SYT9: variants seen among roughly 807,000 people sequenced by gnomAD.
SYT9 encodes synaptotagmin-9.
SYT9 carries 22 observed loss-of-function variants against 48.4 expected under a neutral mutation model. That is an observed-to-expected ratio of 0.45 (90% CI 0.32 to 0.65). SYT9 has a LOEUF of 0.65. Among genes scored for constraint, SYT9 ranks in the 30% least tolerant of loss-of-function variants. SYT9 has a pLI of 0.03. For synonymous variants in SYT9, 265 were observed against 245.0 expected, an observed-to-expected ratio of 1.08 and a Z score of -0.76; for missense variants, 577 against 622.0, an observed-to-expected ratio of 0.93 and a Z score of 0.77.
intron 6 of SYT9, among the ~76,000 whole-genome samples, chr11:7,430,565 T>C (rs1000445624): frequency 2.6e-5 from 4 of 152,202 alleles, no homozygotes; most frequent in Non-Finnish European, 5.9e-5. Flanking sequence ...CCAATTAATA[T>C]GGTTTAAATA....
intron 6 of SYT9, among the ~76,000 whole-genome samples, chr11:7,463,266 C>T (rs71472651): frequency 0.12 from 18,861 of 152,236 alleles, 1,215 homozygotes; most frequent in Non-Finnish European, 0.14. Context: ...TTACTGTCTC[C>T]GGTGTTGATG....
intron 6 of SYT9, among the ~76,000 whole-genome samples, chr11:7,443,552 G>T (rs1564906093): frequency 6.6e-6 from 1 of 152,240 alleles, no homozygotes; most frequent in Non-Finnish European, 1.5e-5. Context: ...GCCAAGGCCA[G>T]TGTCTCCAGC....
intron 2 of SYT9, among the ~76,000 whole-genome samples, chr11:7,311,955 A>G (rs1434514156): frequency 1.3e-5 from 2 of 152,082 alleles, no homozygotes; most frequent in African/African-American, 4.8e-5. Context: ...CCCACATCAT[A>G]AAATACAGAG....
At chr11:7,375,699 A>G (rs1040311758) in intron 3 of SYT9, among the ~76,000 whole-genome samples, 4 of 152,162 alleles carry the variant, frequency 2.6e-5, no homozygotes, top group Non-Finnish European at 5.9e-5. Context: ...GAGTTCACTC[A>G]TGATTTGGCT....
In SYT9 at chr11:7,421,871, A is replaced by G. The variant is rs183884729; in HGVS notation, c.1467+1236A>G. On this transcript the variant is annotated intron_variant, in intron 6 of 6. Coordinates refer to ENST00000318881, the MANE Select transcript of SYT9 (RefSeq NM_175733.4). Reference sequence around the variant, plus strand: ...CAAATACAAGCATTTCCATCCATATAAAGTGCTACAAAAGCGCAAAGGAGA... The same window carrying G: ...CAAATACAAGCATTTCCATCCATATGAAGTGCTACAAAAGCGCAAAGGAGA... 4.0e-3 allele frequency among the ~76,000 whole-genome samples: 614 copies of G among 152,346 alleles called. 2 individuals are homozygous for G. The highest frequency in any genetic ancestry group is 0.014 in the African/African-American group (569 of 41,586).
intron 3 of SYT9, among the ~76,000 whole-genome samples, chr11:7,318,603 C>T (rs982562554): frequency 3.7e-4 from 56 of 152,150 alleles, no homozygotes; most frequent in Admixed American, 4.6e-4. Context: ...CATGAGCCAC[C>T]GCGCCCAGCC....
At chr11:7,443,133 GC>G (rs1847859266) in intron 6 of SYT9, among the ~76,000 whole-genome samples, 1 of 152,168 alleles carries the variant, frequency 6.6e-6, no homozygotes, top group African/African-American at 2.4e-5. Flanking sequence ...AGACCCGACT[GC>G]CTAACATGTT....
At chr11:7,456,942 C>T (rs1848158010) in intron 6 of SYT9, 1 of 152,214 alleles carries the variant, frequency 6.6e-6, no homozygotes, top group African/African-American at 2.4e-5. Context: ...CCAACCTCTA[C>T]ACTCCTTCAA....
chr11:7,394,839 A>C (rs1035614120), intron 3 of SYT9, among the ~76,000 whole-genome samples: 3 of 151,878 alleles, frequency 2.0e-5, no homozygotes, highest in Admixed American at 2.0e-4. Flanking sequence ...TACTCTTAAC[A>C]CTGCTTTTGC....
intron 6 of SYT9, among the ~76,000 whole-genome samples, chr11:7,460,078 C>T (rs892790177): frequency 1.3e-5 from 2 of 152,130 alleles, no homozygotes; most frequent in African/African-American, 4.8e-5. Flanking sequence ...ATCTGTAGAA[C>T]AGGAATAAAA....
Position 7,454,047 on chromosome 11 carries a change from C to A in SYT9, c.1468-12745C>A, listed in dbSNP as rs187377857. On this transcript the variant is annotated intron_variant, in intron 6 of 6. Coordinates refer to ENST00000318881, the MANE Select transcript of SYT9 (RefSeq NM_175733.4). ...AAGAGGGCTCAGCTTCCCCACAGGGCAGGATACCAATCCCTAAGTCCAGGT... is the reference window on the plus strand; with the variant it reads ...AAGAGGGCTCAGCTTCCCCACAGGGAAGGATACCAATCCCTAAGTCCAGGT... The A allele has an allele frequency of 7.4e-4, 729 of 985,410 alleles. 1 individual carries two copies. The highest frequency in any genetic ancestry group is 8.1e-4 in the Non-Finnish European group (676 of 829,920). The allele number at this position is 985,410 out of a possible 1,614,324, so 61.0% of individuals were successfully genotyped here. A position where few individuals can be genotyped will look rare whatever the true frequency, so the allele number is the denominator to read the frequency against.
At chr11:7,318,382 A>G (rs1243150623) in intron 3 of SYT9, among the ~76,000 whole-genome samples, 2 of 151,968 alleles carry the variant, frequency 1.3e-5, no homozygotes, top group Admixed American at 1.3e-4. Flanking sequence ...GGCGCAATCA[A>G]GGCTCACTGC....
At chr11:7,437,028 G>A (rs1246437449) in intron 6 of SYT9, among the ~76,000 whole-genome samples, 1 of 152,240 alleles carries the variant, frequency 6.6e-6, no homozygotes, top group Admixed American at 6.5e-5. Context: ...TGAAAGCAGT[G>A]AAAGACGCTG....
intron 3 of SYT9, among the ~76,000 whole-genome samples, chr11:7,391,016 C>T (rs1850754925): frequency 6.6e-6 from 1 of 152,032 alleles, no homozygotes; most frequent in Non-Finnish European, 1.5e-5. Flanking sequence ...ATCTCTTGTC[C>T]CCATGTCTAT....
At chr11:7,345,773 T>C (rs1849789046) in intron 3 of SYT9, among the ~76,000 whole-genome samples, 2 of 152,228 alleles carry the variant, frequency 1.3e-5, no homozygotes. Flanking sequence ...GTTTATGGTA[T>C]TTGAAAAATA....
At chr11:7,360,674 T>G (rs1392376760) in intron 3 of SYT9, among the ~76,000 whole-genome samples, 1 of 152,196 alleles carries the variant, frequency 6.6e-6, no homozygotes, top group African/African-American at 2.4e-5. Flanking sequence ...TATAGCTTTA[T>G]TCATAAAGGC....
chr11:7,260,470 G>C (rs1360688407), intron 1 of SYT9, among the ~76,000 whole-genome samples: 1 of 152,128 alleles, frequency 6.6e-6, no homozygotes, highest in African/African-American at 2.4e-5. Context: ...ATCTGCTCTA[G>C]TAAACAATGG....
intron 1 of SYT9, among the ~76,000 whole-genome samples, chr11:7,281,932 G>A (rs1283519181): frequency 6.6e-6 from 1 of 152,116 alleles, no homozygotes; most frequent in African/African-American, 2.4e-5. Flanking sequence ...TAGGTACCTG[G>A]GCTCTATCAG....
chr11:7,328,666 T>A (rs1414907690), intron 3 of SYT9, among the ~76,000 whole-genome samples: 1 of 152,172 alleles, frequency 6.6e-6, no homozygotes, highest in Non-Finnish European at 1.5e-5. Context: ...AATGATTGTT[T>A]AAATTTACCA....
Sources: gnomAD v4.1 joint callset for allele counts (sites outside exome capture counted in the v4.1 genomes callset) on GRCh38, gnomAD v4.1.1 for gene constraint, MANE v1.5 for transcripts, NCBI Gene and HGNC (gene_info 2026-07-23, HGNC 2026-07-21) for gene names.